Variants in PLCE1 observed in about 807,000 individuals in gnomAD.
The protein encoded by PLCE1 is phospholipase C epsilon 1, also known as 1-phosphatidylinositol 4,5-bisphosphate phosphodiesterase epsilon-1.
In PLCE1, 119 loss-of-function variants were observed where a neutral mutation model predicts 242.8. That is an observed-to-expected ratio of 0.49 (90% CI 0.42 to 0.57). The LOEUF is 0.57. Ranked by LOEUF, PLCE1 falls within the 20% of genes least tolerant of loss-of-function variation. PLCE1 has a pLI of 0.00. For synonymous variants in PLCE1, 945 were observed against 1,017.4 expected (o/e 0.93, Z 1.35); for missense variants, 2,441 against 2,788.8 (o/e 0.88, Z 2.81).
At position 94,316,600 on chromosome 10, in the gene PLCE1, G is replaced by A. The variant is rs1249180417; in HGVS notation, c.6186G>A (p.Met2062Ile). The stretch of plus-strand genomic sequence containing the variant: ...CTGTTACCACAGACTATTTTTTGAT[G>A]GAAGAAAAATATTTTATATCTAAAG... ...IKPVTTDYFLMEEKYFISKEK... is the reference protein window; with the variant it reads ...IKPVTTDYFLIEEKYFISKEK... The change falls in exon 29 of 33, where the codon ATG becomes ATA. Residue 2062 changes from methionine to isoleucine, a missense_variant. Transcript: ENST00000371380. The A allele has an allele frequency of 6.2e-7, 1 of 1,608,390 alleles. No homozygotes were observed. The highest frequency in any genetic ancestry group is 1.7e-5 in the Admixed American group (1 of 59,948).
chr10:94,179,120 C>G (rs1341732402), intron 4 of PLCE1, among the ~76,000 whole-genome samples: 3 of 152,186 alleles, frequency 2.0e-5, no homozygotes, highest in African/African-American at 7.2e-5. Flanking sequence ...TATTCTTTCC[C>G]TGGAACATTT....
intron 1 of PLCE1, among the ~76,000 whole-genome samples, chr10:94,019,645 G>A (rs903454256): frequency 6.6e-6 from 1 of 152,180 alleles, no homozygotes; most frequent in Non-Finnish European, 1.5e-5. Context: ...CACTTGAATT[G>A]TGGCTAGCAC....
At chr10:94,170,889 A>G (rs1269854837) in intron 3 of PLCE1, among the ~76,000 whole-genome samples, 1 of 152,198 alleles carries the variant, frequency 6.6e-6, no homozygotes, top group Non-Finnish European at 1.5e-5. Flanking sequence ...ACAAAGTATC[A>G]TAGTAAACTG....
chr10:94,279,636 T>A lies in PLCE1; in HGVS notation c.4666-146T>A, dbSNP rs936067817. ...GTGTTGACATTGCATTTCGAGGGAA[T>A]CTAGATTTTTTTCTCCTCTCCCAAA... is the stretch of plus-strand genomic sequence containing the variant. On this transcript the variant is annotated intron_variant, in intron 19 of 32. Coordinates refer to ENST00000371380, the MANE Select transcript of PLCE1 (RefSeq NM_016341.4). 6.2e-6 allele frequency: 5 copies of A among 800,152 alleles called. No individual in the cohort carries two copies. In the African/African-American group the frequency reaches 6.8e-5, roughly 11 times the overall value. 49.6% of individuals were successfully genotyped at this position (800,152 alleles called of 1,614,324 possible). A position where few individuals can be genotyped will look rare whatever the true frequency, so the allele number is the denominator to read the frequency against.
chr10:94,292,832 T>G lies in PLCE1; in HGVS notation c.5036-676T>G, dbSNP rs117714467. Among the ~76,000 whole-genome samples, 101 of 152,376 alleles carry G rather than the reference T, an allele frequency of 6.6e-4. 2 individuals carry two copies. The East Asian group carries it at 0.018, about 27-fold the overall frequency. On this transcript the variant is annotated intron_variant, in intron 22 of 32. Coordinates refer to ENST00000371380, the MANE Select transcript of PLCE1 (RefSeq NM_016341.4). ...ACTGGTGCCTTCAGCTCACTCTTTT[T>G]ACATTGGAGCCAGGTCTATGTGGTT...
intron 3 of PLCE1, among the ~76,000 whole-genome samples, chr10:94,154,707 C>T (rs972096560): frequency 1.3e-5 from 2 of 151,776 alleles, no homozygotes; most frequent in African/African-American, 2.4e-5. Flanking sequence ...TGAAAAGATG[C>T]ACAACATCAT....
At chr10:94,034,306 C>A (rs370881961) in intron 2 of PLCE1, among the ~76,000 whole-genome samples, 14 of 152,164 alleles carry the variant, frequency 9.2e-5, no homozygotes, top group African/African-American at 2.7e-4. Context: ...GGGTAGCTAA[C>A]ATTTATTGAG....
At chr10:94,316,967 T>C (rs2053597436) in intron 29 of PLCE1, among the ~76,000 whole-genome samples, 1 of 152,226 alleles carries the variant, frequency 6.6e-6, no homozygotes, top group South Asian at 2.1e-4. Flanking sequence ...AAACATCCCT[T>C]AGACCGGGCG....
At chr10:94,021,686 T>C (rs2061379398) in intron 1 of PLCE1, among the ~76,000 whole-genome samples, 1 of 152,168 alleles carries the variant, frequency 6.6e-6, no homozygotes, top group Non-Finnish European at 1.5e-5. Flanking sequence ...CTTCTCCAAT[T>C]TTTCTCTCTT....
chr10:94,054,337 G>A (rs185768775), intron 2 of PLCE1, among the ~76,000 whole-genome samples: 135 of 152,248 alleles, frequency 8.9e-4, no homozygotes, highest in African/African-American at 3.1e-3. Flanking sequence ...GCATCCATGT[G>A]CCTGAATTTT....
At chr10:94,145,132 T>A (rs1001870167) in intron 3 of PLCE1, among the ~76,000 whole-genome samples, 12 of 152,182 alleles carry the variant, frequency 7.9e-5, no homozygotes, top group African/African-American at 2.2e-4. Context: ...TACCCCAAAT[T>A]AAAATATTTA....
At chr10:94,148,298 T>G (rs2764342) in intron 3 of PLCE1, among the ~76,000 whole-genome samples, 150,461 of 152,322 alleles carry the variant, frequency 0.99, 74,319 homozygotes, top group East Asian at 1. Context: ...GGCTGGAGGG[T>G]TCATGTTTGG....
At chr10:94,252,164 G>A (rs2050902310) in intron 8 of PLCE1, 152 bp from the exon 9 acceptor site, 1 of 685,486 alleles carries the variant, frequency 1.5e-6, no homozygotes, top group African/African-American at 1.8e-5. Context: ...AATCTTGTGA[G>A]TTAGAAAACA....
chr10:94,063,495 C>G (rs1425773585), intron 2 of PLCE1, among the ~76,000 whole-genome samples: 1 of 152,142 alleles, frequency 6.6e-6, no homozygotes, highest in Non-Finnish European at 1.5e-5. Context: ...AATAAATGAG[C>G]GAGTGAATAA....
At chr10:94,270,664 T>C (rs1232599884) in intron 18 of PLCE1, 62 bp downstream of exon 18, 2 of 936,918 alleles carry the variant, frequency 2.1e-6, no homozygotes, top group Non-Finnish European at 1.8e-6. Flanking sequence ...TGTCATTGGG[T>C]TGTTTTGTTT....
chr10:94,314,914 T>C (rs2053516682), intron 28 of PLCE1: 1 of 152,560 alleles, frequency 6.6e-6, no homozygotes, highest in Non-Finnish European at 1.5e-5. Context: ...CAGTTTGTTT[T>C]GGTTTTGTTT....
At chr10:94,001,768 T>C (rs2060935821) in intron 1 of PLCE1, among the ~76,000 whole-genome samples, 1 of 152,232 alleles carries the variant, frequency 6.6e-6, no homozygotes, top group Non-Finnish European at 1.5e-5. Flanking sequence ...ATTTCATTGA[T>C]TCAGCGTGTT....
intron 4 of PLCE1, among the ~76,000 whole-genome samples, chr10:94,226,099 T>C (rs2049928150): frequency 6.6e-6 from 1 of 152,154 alleles, no homozygotes; most frequent in Non-Finnish European, 1.5e-5. Flanking sequence ...GACACCAGCA[T>C]CTAAGCACCA....
intron 7 of PLCE1, 131 bp downstream of exon 7, chr10:94,236,251 C>A: frequency 1.4e-6 from 1 of 717,650 alleles, no homozygotes; most frequent in Non-Finnish European, 2.5e-6. Context: ...TTAAGCCACA[C>A]TTCTTTATCT....
Sources: gnomAD v4.1 joint callset for allele counts (sites outside exome capture counted in the v4.1 genomes callset) on GRCh38, gnomAD v4.1.1 for gene constraint, MANE v1.5 for transcripts, NCBI Gene and HGNC (gene_info 2026-07-23, HGNC 2026-07-21) for gene names.